Variants in FRMD3 observed in about 807,000 individuals in gnomAD.
The protein encoded by FRMD3 is FERM domain containing 3, also known as FERM domain-containing protein 3.
In FRMD3, 33 loss-of-function variants were observed where a neutral mutation model predicts 70.2. The observed-to-expected ratio is 0.47, with a 90% CI of 0.36 to 0.63. FRMD3 has a LOEUF of 0.63. Ranked by LOEUF, FRMD3 falls within the 20% of genes least tolerant of loss-of-function variation. FRMD3 has a pLI of 0.00. For missense variants in FRMD3, 632 were observed against 711.4 expected, an observed-to-expected ratio of 0.89 and a Z score of 1.27; for synonymous variants, 279 against 255.9, an observed-to-expected ratio of 1.09 and a Z score of -0.86.
intron 10 of FRMD3, 138 bp downstream of exon 10, chr9:83,309,398 A>C (rs1835266741): frequency 1.7e-6 from 1 of 587,960 alleles, no homozygotes; most frequent in South Asian, 2.6e-5. Flanking sequence ...CACCCTGAAC[A>C]ATGCACAAAA....
chr9:83,520,131 T>C (rs1318816743), intron 1 of FRMD3, among the ~76,000 whole-genome samples: 1 of 152,136 alleles, frequency 6.6e-6, no homozygotes, highest in Non-Finnish European at 1.5e-5. Context: ...ATCCCAGAAC[T>C]TAAAGTATAA....
At chr9:83,511,178 GTTCTACTTCCCTA>G (rs1295908173) in intron 1 of FRMD3, among the ~76,000 whole-genome samples, 2 of 152,172 alleles carry the variant, frequency 1.3e-5, no homozygotes, top group Admixed American at 1.3e-4. Flanking sequence ...ATGTTACCAG[GTTCTACTTCCCTA>G]TTTAGTGACT....
At position 83,245,100 on chromosome 9, in the gene FRMD3, T is replaced by C. The variant is rs762867546; in HGVS notation, c.*2818A>G. On this transcript the variant is annotated 3_prime_UTR_variant, in exon 14 of 14. Coordinates refer to ENST00000304195, the MANE Select transcript of FRMD3 (RefSeq NM_174938.6). Reference sequence around the variant, plus strand: ...ATCTGAGAGGGAGAAGAACCAATAATACATCTCAAATTCCTCAATTAGGGC... The same window carrying C: ...ATCTGAGAGGGAGAAGAACCAATAACACATCTCAAATTCCTCAATTAGGGC... 8.9e-5 allele frequency: 88 copies of C among 985,226 alleles called. No homozygotes were observed. The highest frequency in any genetic ancestry group is 1.0e-4 in the Non-Finnish European group (84 of 829,884). 61.0% of individuals were successfully genotyped at this position (985,226 alleles called of 1,614,324 possible).
intron 2 of FRMD3, among the ~76,000 whole-genome samples, 162 bp from the exon 3 acceptor site, chr9:83,373,117 T>C (rs1825033579): frequency 6.6e-6 from 1 of 152,116 alleles, no homozygotes; most frequent in Non-Finnish European, 1.5e-5. Flanking sequence ...TTGGCAATAA[T>C]CATAGCGCAG....
At chr9:83,491,385 T>C (rs1211013854) in intron 1 of FRMD3, among the ~76,000 whole-genome samples, 1 of 152,224 alleles carries the variant, frequency 6.6e-6, no homozygotes, top group Non-Finnish European at 1.5e-5. Flanking sequence ...GGGTGCTTAA[T>C]GTTCTCTGTC....
intron 2 of FRMD3, among the ~76,000 whole-genome samples, chr9:83,385,131 C>T (rs1304565782): frequency 6.6e-6 from 1 of 151,902 alleles, no homozygotes; most frequent in East Asian, 1.9e-4. Context: ...TTCATCTTTC[C>T]AAAGGGAAGT....
the FRMD3 span, among the ~76,000 whole-genome samples, chr9:83,558,069 C>T: frequency 6.6e-6 from 1 of 152,234 alleles, no homozygotes; most frequent in African/African-American, 2.4e-5. Context: ...AATGTATTGG[C>T]ATTCAAGGCA....
the FRMD3 span, among the ~76,000 whole-genome samples, chr9:83,573,050 A>G: frequency 6.6e-6 from 1 of 151,318 alleles, no homozygotes. Flanking sequence ...AAGAATGTGG[A>G]CAATGGTAAG....
intron 1 of FRMD3, among the ~76,000 whole-genome samples, chr9:83,467,398 A>G (rs1822277907): frequency 1.3e-5 from 2 of 152,126 alleles, no homozygotes; most frequent in African/African-American, 2.4e-5. Flanking sequence ...TAAAACAGAG[A>G]GCTCTGGTTT....
chr9:83,447,671 C>T (rs377144842), intron 1 of FRMD3, among the ~76,000 whole-genome samples: 15 of 152,110 alleles, frequency 9.9e-5, no homozygotes, highest in African/African-American at 3.4e-4. Context: ...CCAGGGAGGG[C>T]ACTTGTTACC....
chr9:83,504,988 T>A (rs1207408912), intron 1 of FRMD3, among the ~76,000 whole-genome samples: 1 of 152,132 alleles, frequency 6.6e-6, no homozygotes, highest in Non-Finnish European at 1.5e-5. Flanking sequence ...GGGTTCAAGA[T>A]CCCAAAATAG....
chr9:83,379,846 C>T (rs745992519), intron 2 of FRMD3, among the ~76,000 whole-genome samples: 2 of 152,142 alleles, frequency 1.3e-5, no homozygotes, highest in Non-Finnish European at 2.9e-5. Flanking sequence ...TTGGATGGCA[C>T]AACTCTAAGG....
rs1305213607 is a variant in FRMD3 at position 83,537,809 on chromosome 9, C to T, written c.147+276G>A. Among the ~76,000 whole-genome samples the T allele has an allele frequency of 1.3e-5, 2 of 152,190 alleles. No homozygotes were observed. The highest frequency in any genetic ancestry group is 2.9e-5 in the Non-Finnish European group (2 of 68,014). ...CCTCCGGAGGCAGCTGCCCCGCGCC[C>T]CTAGCCCGGGCGCAGTGAGACGCGC... On this transcript the variant is annotated intron_variant, in intron 1 of 13. Transcript: ENST00000304195. The surrounding 1 kb of genome is among the most constrained non-coding windows in gnomAD (Gnocchi z 4.1).
intron 3 of FRMD3, among the ~76,000 whole-genome samples, chr9:83,364,581 GCAAA>G (rs1189168024): frequency 6.6e-6 from 1 of 151,716 alleles, no homozygotes; most frequent in Non-Finnish European, 1.5e-5. Context: ...TCAACTCTGT[GCAAA>G]CAAACAAAGC....
intron 1 of FRMD3, among the ~76,000 whole-genome samples, chr9:83,495,729 T>C (rs1828929331): frequency 6.6e-6 from 1 of 152,184 alleles, no homozygotes; most frequent in African/African-American, 2.4e-5. Context: ...TGAATGGACA[T>C]AGTACTCATG....
At chr9:83,532,145 T>C (rs1208323346) in intron 1 of FRMD3, among the ~76,000 whole-genome samples, 1 of 152,202 alleles carries the variant, frequency 6.6e-6, no homozygotes, top group Non-Finnish European at 1.5e-5. Context: ...AGGGCTATGT[T>C]ATTATTATTT....
chr9:83,521,348 AT>A (rs574415512), intron 1 of FRMD3, among the ~76,000 whole-genome samples: 42 of 152,270 alleles, frequency 2.8e-4, no homozygotes, highest in African/African-American at 1.0e-3. Flanking sequence ...TTAGCCTGGC[AT>A]AGTGGCACCA....
chr9:83,392,660 T>C (rs967717535), intron 1 of FRMD3, among the ~76,000 whole-genome samples: 4 of 152,086 alleles, frequency 2.6e-5, no homozygotes, highest in East Asian at 1.9e-4. Flanking sequence ...ATGGAAAACA[T>C]GAGGTCTGGG....
upstream of FRMD3, among the ~76,000 whole-genome samples, chr9:83,540,172 G>A (rs1829982792): frequency 6.6e-6 from 1 of 152,180 alleles, no homozygotes; most frequent in Non-Finnish European, 1.5e-5. Context: ...GAGGTGGCAG[G>A]GATGGGACCT....
Sources: gnomAD v4.1 joint callset for allele counts (sites outside exome capture counted in the v4.1 genomes callset) on GRCh38, gnomAD v4.1.1 for gene constraint, Gnocchi (gnomAD v3.1) non-coding constraint, MANE v1.5 for transcripts, NCBI Gene and HGNC (gene_info 2026-07-23, HGNC 2026-07-21) for gene names.